CMBL: variants seen among roughly 807,000 people sequenced by gnomAD.
The protein encoded by CMBL is carboxymethylenebutenolidase homolog.
Under a neutral mutation model 28.7 loss-of-function variants are expected in CMBL, and 17 were observed. That is an observed-to-expected ratio of 0.59 (90% CI 0.41 to 0.89). The LOEUF (loss-of-function observed/expected upper bound fraction) is 0.89, where lower values mean the gene tolerates loss of function less well. CMBL is among the 40% of genes least tolerant of loss of function. CMBL has a pLI of 0.00. For synonymous variants in CMBL, 106 were observed against 101.6 expected (o/e 1.04, Z -0.26); for missense variants, 310 against 298.5 (o/e 1.04, Z -0.28).
chr5:10,304,295 G>C (rs1746960530), intron 1 of CMBL, among the ~76,000 whole-genome samples: 1 of 152,200 alleles, frequency 6.6e-6, no homozygotes, highest in South Asian at 2.1e-4. Context: ...CTTGGGCCCA[G>C]GAGGTCAAGA....
At chr5:10,302,599 C>CA (rs1216048051) in intron 1 of CMBL, among the ~76,000 whole-genome samples, 318 of 121,194 alleles carry the variant, frequency 2.6e-3, no homozygotes, top group Middle Eastern at 0.024. Flanking sequence ...GACTCTGTCT[C>CA]AAAAAAAAAA....
chr5:10,282,581 G>A (rs1337987065), intron 4 of CMBL, among the ~76,000 whole-genome samples: 2 of 152,114 alleles, frequency 1.3e-5, no homozygotes, highest in Non-Finnish European at 2.9e-5. Context: ...TCAGGAGTTT[G>A]AGAGCAGCCT....
intron 2 of CMBL, 99 bp from the exon 3 acceptor site, chr5:10,288,628 C>T: frequency 1.1e-6 from 1 of 936,810 alleles, no homozygotes; most frequent in Non-Finnish European, 1.7e-6. Flanking sequence ...GCGATTCTGG[C>T]TCAGAGAAAA....
chr5:10,286,231 C>T, intron 4 of CMBL, 123 bp downstream of exon 4: 2 of 962,502 alleles, frequency 2.1e-6, no homozygotes, highest in Non-Finnish European at 3.0e-6. Context: ...AACCCATTTC[C>T]ATAAGATGGG....
chr5:10,277,735 A>AGT lies in CMBL; in HGVS notation c.*2716_*2717dup, dbSNP rs1473982481. ...ACTGAAGAACATATCTTTTTAAAGA[A>AGT]GTACGTGTGTGACTTACATTATACT... On this transcript the variant is annotated 3_prime_UTR_variant, in exon 6 of 6. Coordinates refer to ENST00000296658, the MANE Select transcript of CMBL (RefSeq NM_138809.4). 3.3e-5 allele frequency among the ~76,000 whole-genome samples: 5 copies of AGT among 152,170 alleles called. No individual in the cohort carries two copies. Among genetic ancestry groups the AGT allele is most frequent in the African/African-American group, 1.2e-4 (5 of 41,432 alleles).
chr5:10,298,620 C>T (rs561407862), intron 1 of CMBL, among the ~76,000 whole-genome samples: 31 of 152,268 alleles, frequency 2.0e-4, no homozygotes, highest in Admixed American at 1.0e-3. Flanking sequence ...GGGCTGAGTG[C>T]GGTGGCTCAC....
At chr5:10,283,249 C>T (rs1049791457) in intron 4 of CMBL, among the ~76,000 whole-genome samples, 2 of 152,130 alleles carry the variant, frequency 1.3e-5, no homozygotes, top group Admixed American at 1.3e-4. Context: ...TGCGGAGCAG[C>T]CTGAGGAATG....
At chr5:10,305,681 C>T (rs1746990256) in intron 1 of CMBL, among the ~76,000 whole-genome samples, 1 of 152,116 alleles carries the variant, frequency 6.6e-6, no homozygotes, top group South Asian at 2.1e-4. Flanking sequence ...AAACGATATT[C>T]CTGCCACAGC....
rs1471906194 is a variant in CMBL, at chr5:10,292,196, T to C, written c.-19-1415A>G. ...GATTAAACTCACTAGCTGAGACAGA[T>C]TCTCAACTTGGATTTTTTTTTGTTT... On this transcript the variant is annotated intron_variant, in intron 1 of 5. Transcript: ENST00000296658. 9 of 145,888 alleles carry C rather than the reference T, an allele frequency of 6.2e-5. No individual in the cohort carries two copies. The East Asian group carries it at 1.7e-3, about 28-fold the overall frequency. The allele number at this position is 145,888 out of a possible 1,614,324, so 9.0% of individuals were successfully genotyped here.
chr5:10,280,525 G>C lies in CMBL; in HGVS notation c.666C>G (p.Cys222Trp). The change falls in exon 6 of 6, where the codon TGC becomes TGG. Residue 222 changes from cysteine to tryptophan, a missense_variant. By Grantham distance (215) the Cys-to-Trp change is radical (BLOSUM62 -2). Coordinates refer to ENST00000296658, the MANE Select transcript of CMBL (RefSeq NM_138809.4). ...HGFVHRKRED[C>W]SPADKPYIDE... is the part of the protein sequence containing the mutation. The stretch of plus-strand genomic sequence containing the variant: ...CAATGTAGGGCTTGTCTGCAGGTGA[G>C]CAATCTTCTCTCTTCCGATGCACGA... 2 of 1,613,892 alleles carry C rather than the reference G, an allele frequency of 1.2e-6. No homozygotes were observed. The highest frequency in any genetic ancestry group is 1.7e-6 in the Non-Finnish European group (2 of 1,179,822).
chr5:10,291,673 A>AAAAAG (rs1470287858), intron 1 of CMBL, among the ~76,000 whole-genome samples: 3 of 152,094 alleles, frequency 2.0e-5, no homozygotes, highest in Non-Finnish European at 2.9e-5. Context: ...AAACAAAAAA[A>AAAAAG]AAAAGAAAAG....
At chr5:10,293,828 C>A (rs185712392) in intron 1 of CMBL, among the ~76,000 whole-genome samples, 1 of 152,314 alleles carries the variant, frequency 6.6e-6, no homozygotes, top group East Asian at 1.9e-4. Flanking sequence ...TCCCTGACCT[C>A]AGGAAGCACA....
chr5:10,295,245 G>A (rs1045360093), intron 1 of CMBL, among the ~76,000 whole-genome samples: 2 of 152,038 alleles, frequency 1.3e-5, no homozygotes, highest in Non-Finnish European at 2.9e-5. Context: ...CACCATGCCT[G>A]GTTAATTTTT....
In CMBL at chr5:10,279,735, T is replaced by C. The variant is rs1000920222; in HGVS notation, c.*718A>G. 1 of 152,088 alleles carries C rather than the reference T, an allele frequency of 6.6e-6. No homozygotes were observed. Among genetic ancestry groups the C allele is most frequent in the African/African-American group, 2.4e-5 (1 of 41,390 alleles). The allele number at this position is 152,088 out of a possible 1,614,324, so 9.4% of individuals were successfully genotyped here. A position where few individuals can be genotyped will look rare whatever the true frequency, so the allele number is the denominator to read the frequency against. ...TTATATTTTTAGTAGAGATGGGGTT[T>C]CACCATGTTGGCCAGGCTGGTCTTG... On this transcript the variant is annotated 3_prime_UTR_variant, in exon 6 of 6. Coordinates refer to ENST00000296658, the MANE Select transcript of CMBL (RefSeq NM_138809.4).
rs1302710393 is a variant in CMBL, at chr5:10,278,009, C to T, written c.*2444G>A. ...TGGGAGGCCGGATGAATGTGTGAGG[C>T]CTCCTGGGAGCAGCCCTCAGCAGGC... On this transcript the variant is annotated 3_prime_UTR_variant, in exon 6 of 6. Transcript: ENST00000296658. Among the ~76,000 whole-genome samples the T allele has an allele frequency of 6.6e-6, 1 of 152,228 alleles. No homozygotes were observed. The highest frequency in any genetic ancestry group is 1.9e-4 in the East Asian group (1 of 5,202).
chr5:10,296,521 T>C (rs955377375), intron 1 of CMBL, among the ~76,000 whole-genome samples: 4 of 152,178 alleles, frequency 2.6e-5, no homozygotes, highest in African/African-American at 9.7e-5. Context: ...CCTCAGGTGA[T>C]CCACTGTGCC....
At chr5:10,290,173 A>ATCTG (rs1466646843) in intron 2 of CMBL, among the ~76,000 whole-genome samples, 1 of 152,212 alleles carries the variant, frequency 6.6e-6, no homozygotes, top group Non-Finnish European at 1.5e-5. Flanking sequence ...GGGCCGTGAA[A>ATCTG]TCTGACACGA....
chr5:10,293,018 C>G (rs1184122913), intron 1 of CMBL, among the ~76,000 whole-genome samples: 1 of 151,916 alleles, frequency 6.6e-6, no homozygotes, highest in Non-Finnish European at 1.5e-5. Context: ...TATACAAATA[C>G]AACGAAGAAA....
At chr5:10,292,448 G>A (rs2126552518) in intron 1 of CMBL, among the ~76,000 whole-genome samples, 1 of 152,280 alleles carries the variant, frequency 6.6e-6, no homozygotes, top group African/African-American at 2.4e-5. Context: ...CTAGGCTCAA[G>A]CAATCATCCC....
Sources: allele counts gnomAD v4.1 joint callset (sites outside exome capture counted in the v4.1 genomes callset), GRCh38; gene constraint gnomAD v4.1.1; transcripts MANE v1.5; gene names NCBI Gene and HGNC (gene_info 2026-07-23, HGNC 2026-07-21).